Variants in PITPNC1 observed in about 807,000 individuals in gnomAD.
PITPNC1 encodes cytoplasmic phosphatidylinositol transfer protein 1.
Under a neutral mutation model 44.7 loss-of-function variants are expected in PITPNC1, and 18 were observed. The observed-to-expected ratio is 0.40, with a 90% confidence interval of 0.28 to 0.60. The LOEUF (loss-of-function observed/expected upper bound fraction) is 0.60. PITPNC1 is among the 20% of genes least tolerant of loss of function. The pLI, the probability that PITPNC1 is intolerant of heterozygous loss-of-function variation, is 0.39. For missense variants in PITPNC1, 290 were observed against 418.4 expected (o/e 0.69, Z 2.68); for synonymous variants, 141 against 149.6 (o/e 0.94, Z 0.42).
In PITPNC1 at chr17:67,693,179, G is replaced by T. The variant is rs762468901; in HGVS notation, c.*291G>T. On this transcript the variant is annotated 3_prime_UTR_variant, in exon 9 of 9. Transcript: ENST00000581322. ...GTTATTGGGCATTTGATGAGGTTTG[G>T]CATGGACTTCAAGGATAAATGAATG... The T allele has an allele frequency of 9.8e-6, 3 of 306,936 alleles. No individual in the cohort carries two copies. The highest frequency in any genetic ancestry group is 1.8e-5 in the Non-Finnish European group (3 of 169,444). The allele number at this position is 306,936 out of a possible 1,614,324, so 19.0% of individuals were successfully genotyped here. A position where few individuals can be genotyped will look rare whatever the true frequency, so the allele number is the denominator to read the frequency against.
intron 5 of PITPNC1, among the ~76,000 whole-genome samples, chr17:67,606,139 G>C (rs2041605013): frequency 6.6e-6 from 1 of 152,118 alleles, no homozygotes; most frequent in Non-Finnish European, 1.5e-5. Flanking sequence ...TGAATTGATG[G>C]AACAGTGGGT....
At chr17:67,606,554 G>A (rs190051218) in intron 5 of PITPNC1, among the ~76,000 whole-genome samples, 187 of 152,330 alleles carry the variant, frequency 1.2e-3, no homozygotes, top group African/African-American at 3.5e-3. Flanking sequence ...ATGACGAGGC[G>A]TAAAGTGAGG....
At chr17:67,471,646 A>G in intron 1 of PITPNC1, 1 of 319,706 alleles carries the variant, frequency 3.1e-6, no homozygotes, top group Non-Finnish European at 6.1e-6. Context: ...GGTTGACATC[A>G]TATACCCCCT....
intron 1 of PITPNC1, chr17:67,471,634 C>T: frequency 2.9e-6 from 1 of 349,112 alleles, no homozygotes; most frequent in Non-Finnish European, 5.5e-6. Flanking sequence ...TTAGCTAAAT[C>T]AGGTTGACAT....
intron 4 of PITPNC1, among the ~76,000 whole-genome samples, chr17:67,568,077 A>G (rs1334541404): frequency 6.6e-6 from 1 of 152,240 alleles, no homozygotes; most frequent in Non-Finnish European, 1.5e-5. Flanking sequence ...AGTATTGTTC[A>G]TAGTAGCCAA....
chr17:67,579,311 G>C (rs917715408), intron 5 of PITPNC1, among the ~76,000 whole-genome samples: 2 of 152,242 alleles, frequency 1.3e-5, no homozygotes, highest in Admixed American at 1.3e-4. Context: ...GGATTAGGCT[G>C]TGGGTTCCCT....
chr17:67,560,894 G>A (rs2040898223), intron 4 of PITPNC1, among the ~76,000 whole-genome samples: 1 of 152,180 alleles, frequency 6.6e-6, no homozygotes, highest in Non-Finnish European at 1.5e-5. Flanking sequence ...AGGGCAATCA[G>A]CAGAGAATAC....
At chr17:67,451,743 A>G (rs531795126) in intron 1 of PITPNC1, among the ~76,000 whole-genome samples, 1 of 150,638 alleles carries the variant, frequency 6.6e-6, no homozygotes, top group African/African-American at 2.4e-5. Flanking sequence ...GGTTCATGCC[A>G]TTCTCCTGCC....
chr17:67,407,961 T>C (rs1462046849), intron 1 of PITPNC1, among the ~76,000 whole-genome samples: 1 of 152,054 alleles, frequency 6.6e-6, no homozygotes, highest in Admixed American at 6.5e-5. Flanking sequence ...AGTTTTATTT[T>C]ATTTTATTTT....
At position 67,676,735 on chromosome 17, in the gene PITPNC1, G is replaced by A. The variant is rs988189650; in HGVS notation, c.682+1193G>A. 1.3e-5 allele frequency among the ~76,000 whole-genome samples: 2 copies of A among 151,978 alleles called. No individual in the cohort carries two copies. The highest frequency in any genetic ancestry group is 2.9e-5 in the Non-Finnish European group (2 of 67,998). ...AGTAAAAGGACACGTTAGACGGAAG[G>A]GGCAAAGACAGTCATTATTATTAAT... On this transcript the variant is annotated intron_variant, in intron 8 of 8. Coordinates refer to ENST00000581322, the MANE Select transcript of PITPNC1 (RefSeq NM_012417.4). The surrounding 1 kb of genome is among the most constrained non-coding windows in gnomAD (Gnocchi z 4.0).
chr17:67,463,706 C>T (rs1032098746), intron 1 of PITPNC1, among the ~76,000 whole-genome samples: 16 of 151,238 alleles, frequency 1.1e-4, no homozygotes, highest in African/African-American at 3.7e-4. Flanking sequence ...TTGAGACTGG[C>T]GCTGTGGGCA....
At chr17:67,571,791 G>A (rs1452102146) in intron 4 of PITPNC1, among the ~76,000 whole-genome samples, 1 of 152,230 alleles carries the variant, frequency 6.6e-6, no homozygotes, top group Non-Finnish European at 1.5e-5. Context: ...GTGAAGTCTT[G>A]TATACACTCT....
intron 6 of PITPNC1, among the ~76,000 whole-genome samples, chr17:67,666,569 C>T (rs549033108): frequency 3.3e-4 from 51 of 152,338 alleles, no homozygotes; most frequent in Non-Finnish European, 6.3e-4. Context: ...ATGCTACACT[C>T]ATGGTGCCAT....
At chr17:67,664,358 G>GA (rs2042392297) in intron 6 of PITPNC1, among the ~76,000 whole-genome samples, 1 of 152,210 alleles carries the variant, frequency 6.6e-6, no homozygotes, top group Non-Finnish European at 1.5e-5. Flanking sequence ...GGGTAGCTCT[G>GA]TTTTAAGTTC....
intron 1 of PITPNC1, among the ~76,000 whole-genome samples, chr17:67,403,241 A>AAAAAAAAAAAAAT (rs2038349084): frequency 6.7e-6 from 1 of 149,764 alleles, no homozygotes; most frequent in African/African-American, 2.5e-5. Context: ...AAAAAAAAAA[A>AAAAAAAAAAAAAT]GTCATGACTG....
At chr17:67,601,795 GC>G (rs919793211) in intron 5 of PITPNC1, among the ~76,000 whole-genome samples, 4 of 151,894 alleles carry the variant, frequency 2.6e-5, no homozygotes, top group African/African-American at 9.7e-5. Flanking sequence ...GGAAGAGCCT[GC>G]CCCCGGGAAG....
intron 6 of PITPNC1, among the ~76,000 whole-genome samples, chr17:67,664,131 A>AT (rs906014551): frequency 1.3e-5 from 2 of 151,740 alleles, no homozygotes; most frequent in Non-Finnish European, 2.9e-5. Flanking sequence ...GCCCAGCTAA[A>AT]TTTTTGCATT....
intron 1 of PITPNC1, among the ~76,000 whole-genome samples, chr17:67,530,826 A>G (rs2144125175): frequency 6.6e-6 from 1 of 152,314 alleles, no homozygotes; most frequent in African/African-American, 2.4e-5. Flanking sequence ...CAAATCTGCA[A>G]TGTGTAAACT....
intron 5 of PITPNC1, among the ~76,000 whole-genome samples, chr17:67,623,424 G>A (rs986262260): frequency 6.6e-6 from 1 of 151,926 alleles, no homozygotes. Flanking sequence ...GTGTTGCCCT[G>A]GCTGTAGTAC....
Sources: allele counts gnomAD v4.1 joint callset (sites outside exome capture counted in the v4.1 genomes callset), GRCh38; gene constraint gnomAD v4.1.1; non-coding constraint Gnocchi (gnomAD v3.1); transcripts MANE v1.5; gene names NCBI Gene and HGNC (gene_info 2026-07-23, HGNC 2026-07-21).